The following RBBP5 variants were observed in gnomAD, a reference collection of about 807,000 sequenced individuals.
RBBP5 encodes the protein RB binding protein 5, histone lysine methyltransferase complex subunit, also known as retinoblastoma-binding protein 5.
RBBP5 carries 5 observed loss-of-function variants against 72.2 expected under a neutral mutation model. That is an observed-to-expected ratio of 0.07 (90% CI 0.04 to 0.15). The LOEUF is 0.15. Ranked by LOEUF, RBBP5 falls within the 10% of genes least tolerant of loss-of-function variation. The pLI is 1.00. For missense variants in RBBP5, 322 were observed against 652.2 expected, an observed-to-expected ratio of 0.49 and a Z score of 5.51; for synonymous variants, 209 against 237.2, an observed-to-expected ratio of 0.88 and a Z score of 1.09.
intron 12 of RBBP5, among the ~76,000 whole-genome samples, chr1:205,095,427 T>C (rs113510936): frequency 6.6e-6 from 1 of 152,316 alleles, no homozygotes; most frequent in South Asian, 2.1e-4. Context: ...GTGTATTTTA[T>C]ATGTGGCCCA....
intron 3 of RBBP5, among the ~76,000 whole-genome samples, chr1:205,108,376 A>G (rs1357852772): frequency 6.6e-6 from 1 of 152,256 alleles, no homozygotes; most frequent in Non-Finnish European, 1.5e-5. Context: ...AAGAAAGGAC[A>G]AGGGGACAAC....
intron 3 of RBBP5, among the ~76,000 whole-genome samples, chr1:205,110,116 T>C (rs909221931): frequency 6.6e-6 from 1 of 151,798 alleles, no homozygotes; most frequent in African/African-American, 2.4e-5. Context: ...CATATGCCGG[T>C]TCAAGCGATT....
Position 205,088,669 on chromosome 1 carries a change from C to G in RBBP5, c.*118G>C. 9.8e-7 allele frequency: 1 copy of G among 1,016,868 alleles called. No homozygotes were observed. Among genetic ancestry groups the G allele is most frequent in the East Asian group, 2.7e-5 (1 of 37,282 alleles). The allele number at this position is 1,016,868 out of a possible 1,614,324, so 63.0% of individuals were successfully genotyped here. On this transcript the variant is annotated 3_prime_UTR_variant, in exon 14 of 14. Transcript: ENST00000264515. ...AAACATAAAATTCACCCTCCCACCT[C>G]CTGGGTGGGAGGCACAGGCCTTTGT...
chr1:205,091,002 G>A (rs1198934602), intron 13 of RBBP5, among the ~76,000 whole-genome samples: 1 of 152,160 alleles, frequency 6.6e-6, no homozygotes, highest in Non-Finnish European at 1.5e-5. Context: ...GTGATGGGCT[G>A]GCACCAGGGC....
chr1:205,095,915 G>A (rs906975110), intron 12 of RBBP5, among the ~76,000 whole-genome samples: 3 of 152,152 alleles, frequency 2.0e-5, no homozygotes, highest in South Asian at 2.1e-4. Flanking sequence ...AGGAAGGGCC[G>A]GGCGCAGTGG....
At chr1:205,110,097 C>T (rs1385093282) in intron 3 of RBBP5, among the ~76,000 whole-genome samples, 3 of 151,912 alleles carry the variant, frequency 2.0e-5, no homozygotes, top group Admixed American at 6.6e-5. Flanking sequence ...CCCGGCTCAC[C>T]GCAACCTCCA....
chr1:205,094,840 G>C, intron 13 of RBBP5, 33 bp downstream of exon 13: 3 of 1,581,776 alleles, frequency 1.9e-6, no homozygotes, highest in Non-Finnish European at 2.6e-6. Context: ...AGGCCACGAA[G>C]CAAGCCAGAC....
intron 12 of RBBP5, among the ~76,000 whole-genome samples, chr1:205,095,848 T>C (rs370204679): frequency 6.6e-6 from 1 of 152,114 alleles, no homozygotes; most frequent in African/African-American, 2.4e-5. Context: ...CAGAAATCGA[T>C]AGCATCAGGA....
chr1:205,119,197 A>C (rs1656643637), intron 1 of RBBP5, among the ~76,000 whole-genome samples: 1 of 152,170 alleles, frequency 6.6e-6, no homozygotes, highest in Non-Finnish European at 1.5e-5. Flanking sequence ...GTTCCTGACC[A>C]GGTTGGCCAA....
In RBBP5 at chr1:205,098,985, G is replaced by T; in HGVS notation, c.1096+4C>A. ...AAATCCTGTCTGCAATTTAGAAATA[G>T]TACCTGTCTGCTCAGGCTCACTCTT... On this transcript the variant is annotated splice_donor_region_variant and intron_variant, in intron 10 of 13. Coordinates refer to ENST00000264515, the MANE Select transcript of RBBP5 (RefSeq NM_005057.4). The T allele has an allele frequency of 6.4e-7, 1 of 1,555,846 alleles. No homozygotes were observed. Among genetic ancestry groups the T allele is most frequent in the Non-Finnish European group, 8.7e-7 (1 of 1,144,356 alleles).
chr1:205,101,435 G>C (rs145188586), intron 6 of RBBP5, among the ~76,000 whole-genome samples, 165 bp downstream of exon 6: 1 of 152,290 alleles, frequency 6.6e-6, no homozygotes, highest in Non-Finnish European at 1.5e-5. Flanking sequence ...ACTACGGCAG[G>C]AAATGTTATG....
intron 2 of RBBP5, among the ~76,000 whole-genome samples, chr1:205,115,478 T>C (rs947270433): frequency 6.6e-6 from 1 of 152,206 alleles, no homozygotes; most frequent in Non-Finnish European, 1.5e-5. Flanking sequence ...ATTCAAGTGT[T>C]ATAAAATAGT....
Position 205,101,617 on chromosome 1 carries a change from C to T in RBBP5, c.615G>A (p.Glu205=). 6.2e-7 allele frequency: 1 copy of T among 1,611,618 alleles called. No homozygotes were observed. Residue 205 remains glutamate (E), a synonymous_variant, in exon 6 of 14, where the codon GAG becomes GAA. Coordinates refer to ENST00000264515, the MANE Select transcript of RBBP5 (RefSeq NM_005057.4). ...TSNTTAIKSI[E]FARKGSCFLI... ...TCACTCACCTCCCCTTCCGGGCAAA[C>T]TCAATTGACTTAATGGCTGTGGTAT...
intron 1 of RBBP5, among the ~76,000 whole-genome samples, chr1:205,119,408 A>C (rs2102339733): frequency 6.6e-6 from 1 of 152,332 alleles, no homozygotes; most frequent in East Asian, 1.9e-4. Context: ...AAGATAAATA[A>C]AAATAAATAT....
rs754833130 is a variant in RBBP5, at chr1:205,088,406, C to T, written c.*381G>A. On this transcript the variant is annotated 3_prime_UTR_variant, in exon 14 of 14. Transcript: ENST00000264515. ...TCACTCAAAGACATGCATTGAGGAC[C>T]GAAGGCAAATGGGAGATAGGAAATG... 3.5e-4 allele frequency: 67 copies of T among 191,412 alleles called. No individual in the cohort carries two copies. Among genetic ancestry groups the T allele is most frequent in the Non-Finnish European group, 6.8e-4 (63 of 93,272 alleles). The allele number at this position is 191,412 out of a possible 1,614,324, so 11.9% of individuals were successfully genotyped here.
chr1:205,106,244 G>A (rs1367288539), intron 3 of RBBP5, among the ~76,000 whole-genome samples: 1 of 152,112 alleles, frequency 6.6e-6, no homozygotes, highest in Non-Finnish European at 1.5e-5. Flanking sequence ...TAACAAGATG[G>A]TACACTCCAT....
chr1:205,111,576 C>T (rs1039024929), intron 3 of RBBP5, among the ~76,000 whole-genome samples: 10 of 152,180 alleles, frequency 6.6e-5, no homozygotes, highest in African/African-American at 2.2e-4. Flanking sequence ...AAATTAATGA[C>T]TAAGTCCTCT....
chr1:205,093,687 G>A (rs1228834856), intron 13 of RBBP5, among the ~76,000 whole-genome samples: 1 of 150,660 alleles, frequency 6.6e-6, no homozygotes, highest in Non-Finnish European at 1.5e-5. Context: ...TCAGTGGTAT[G>A]GTGTTGGGCT....
At chr1:205,108,511 A>G (rs1656172793) in intron 3 of RBBP5, among the ~76,000 whole-genome samples, 1 of 152,204 alleles carries the variant, frequency 6.6e-6, no homozygotes, top group East Asian at 1.9e-4. Flanking sequence ...AAAGCTACAC[A>G]AGGGTATACA....
Sources: gnomAD v4.1 joint callset for allele counts (sites outside exome capture counted in the v4.1 genomes callset) on GRCh38, gnomAD v4.1.1 for gene constraint, MANE v1.5 for transcripts, NCBI Gene and HGNC (gene_info 2026-07-23, HGNC 2026-07-21) for gene names.